The following SPATS2 variants were observed in gnomAD, a reference collection of about 807,000 sequenced individuals.
SPATS2 encodes the protein spermatogenesis-associated serine-rich protein 2.
A neutral mutation model predicts 63.7 loss-of-function variants in SPATS2; 38 were observed. That is an observed-to-expected ratio of 0.60 (90% CI 0.46 to 0.78). The LOEUF is 0.78. SPATS2 is among the 30% of genes least tolerant of loss of function. The pLI, the probability that SPATS2 is intolerant of heterozygous loss-of-function variation, is 0.00. For synonymous variants in SPATS2, 207 were observed against 232.9 expected (o/e 0.89, Z 1.01); for missense variants, 588 against 666.2 (o/e 0.88, Z 1.29).
chr12:49,376,346 G>T (rs556162332), intron 2 of SPATS2, among the ~76,000 whole-genome samples: 3 of 151,210 alleles, frequency 2.0e-5, no homozygotes, highest in African/African-American at 7.3e-5. Context: ...CAGGTGATCC[G>T]CCTGCCTCGG....
At chr12:49,439,923 G>A (rs1945386134) in intron 2 of SPATS2, among the ~76,000 whole-genome samples, 1 of 152,134 alleles carries the variant, frequency 6.6e-6, no homozygotes, top group Admixed American at 6.5e-5. Context: ...TGTTGTAGAA[G>A]TTTCATCAGG....
At chr12:49,508,832 G>A (rs1411339383) in intron 9 of SPATS2, among the ~76,000 whole-genome samples, 1 of 151,912 alleles carries the variant, frequency 6.6e-6, no homozygotes, top group Non-Finnish European at 1.5e-5. Context: ...GGGAGGCCAA[G>A]GCGGGTGGAT....
intron 3 of SPATS2, chr12:49,462,700 G>C: frequency 3.7e-6 from 2 of 547,352 alleles, no homozygotes; most frequent in Non-Finnish European, 6.5e-6. Context: ...CTGAAAAGGG[G>C]TTGGTGGGGT....
chr12:49,426,393 A>G (rs1469993402), intron 2 of SPATS2, among the ~76,000 whole-genome samples: 2 of 152,128 alleles, frequency 1.3e-5, no homozygotes, highest in Admixed American at 1.3e-4. Context: ...CAGTATTCTG[A>G]CTTATGTCAC....
chr12:49,434,778 A>G (rs766784922), intron 2 of SPATS2, among the ~76,000 whole-genome samples: 3 of 152,180 alleles, frequency 2.0e-5, no homozygotes, highest in Non-Finnish European at 4.4e-5. Flanking sequence ...TTTAAGCCCT[A>G]GCTCAGTGGG....
chr12:49,406,835 G>T (rs148649641), intron 2 of SPATS2, among the ~76,000 whole-genome samples: 1 of 152,002 alleles, frequency 6.6e-6, no homozygotes, highest in Non-Finnish European at 1.5e-5. Context: ...AAAGTGAGGC[G>T]TTCTTATTCT....
At chr12:49,493,094 G>A (rs1477655819) in intron 6 of SPATS2, among the ~76,000 whole-genome samples, 5 of 126,864 alleles carry the variant, frequency 3.9e-5, no homozygotes, top group African/African-American at 1.1e-4. Flanking sequence ...GCGAAACTCC[G>A]TCTTTAAAAA....
chr12:49,377,476 A>G (rs1944129335), intron 2 of SPATS2, among the ~76,000 whole-genome samples: 2 of 152,208 alleles, frequency 1.3e-5, no homozygotes, highest in Admixed American at 6.5e-5. Flanking sequence ...AAGTAGGATT[A>G]TATTCAATTT....
At chr12:49,486,285 C>T (rs1187753927) in intron 4 of SPATS2, 5 of 440,204 alleles carry the variant, frequency 1.1e-5, no homozygotes, top group South Asian at 3.2e-5. Flanking sequence ...GCTCACTGCA[C>T]ACCTCCGCCT....
intron 2 of SPATS2, chr12:49,390,233 C>T (rs1944396650): frequency 2.3e-6 from 2 of 883,252 alleles, no homozygotes; most frequent in South Asian, 3.3e-5. Context: ...AATGAATGAA[C>T]AGAAAATTCA....
intron 1 of SPATS2, among the ~76,000 whole-genome samples, chr12:49,368,422 C>T (rs11834366): frequency 3.3e-5 from 5 of 152,304 alleles, no homozygotes; most frequent in African/African-American, 1.2e-4. Flanking sequence ...TAAGTTAGGT[C>T]AGTGATAATG....
chr12:49,525,577 T>C (rs1309780041), intron 13 of SPATS2, among the ~76,000 whole-genome samples: 1 of 152,236 alleles, frequency 6.6e-6, no homozygotes, highest in Non-Finnish European at 1.5e-5. Flanking sequence ...TTATTCCAAA[T>C]GTGTATTATC....
Position 49,516,710 on chromosome 12 carries a change from T to TAA in SPATS2, c.898+2109_898+2110dup, listed in dbSNP as rs113290886. Among the ~76,000 whole-genome samples, 71 of 134,522 alleles carry TAA rather than the reference T, an allele frequency of 5.3e-4. 1 individual carries two copies. The Middle Eastern group carries it at 0.015, about 28-fold the overall frequency. The allele number at this position is 134,522 out of a possible 152,430, so 88.3% of individuals were successfully genotyped here. On this transcript the variant is annotated intron_variant, in intron 10 of 13. Transcript: ENST00000552918. Reference sequence around the variant, plus strand: ...ACAGAGCAAGACTCCATCTCAAAACTAAAAAAAAAAAAAGAAAAGAAAAGA... The same window carrying TAA: ...ACAGAGCAAGACTCCATCTCAAAACTAAAAAAAAAAAAAAAGAAAAGAAAAGA...
intron 3 of SPATS2, among the ~76,000 whole-genome samples, chr12:49,470,272 T>G (rs1468289649): frequency 6.6e-6 from 1 of 152,164 alleles, no homozygotes. Context: ...CCTCAGGAGA[T>G]CCTCCTGCCT....
At chr12:49,379,309 A>G (rs897473988) in intron 2 of SPATS2, among the ~76,000 whole-genome samples, 9 of 149,712 alleles carry the variant, frequency 6.0e-5, no homozygotes, top group Admixed American at 3.3e-4. Context: ...GCACTCTGGG[A>G]GGCTGAGGTG....
intron 3 of SPATS2, among the ~76,000 whole-genome samples, chr12:49,483,773 T>C (rs1946245338): frequency 6.6e-6 from 1 of 152,202 alleles, no homozygotes; most frequent in African/African-American, 2.4e-5. Flanking sequence ...GTAATATTGT[T>C]ATCACCTGGG....
intron 2 of SPATS2, among the ~76,000 whole-genome samples, chr12:49,372,150 A>G (rs565094221): frequency 6.6e-6 from 1 of 151,904 alleles, no homozygotes; most frequent in South Asian, 2.1e-4. Flanking sequence ...GGTTTAAGCG[A>G]TTTTCCTGCC....
At chr12:49,478,293 T>A (rs1364028450) in intron 3 of SPATS2, among the ~76,000 whole-genome samples, 1 of 152,320 alleles carries the variant, frequency 6.6e-6, no homozygotes, top group East Asian at 1.9e-4. Flanking sequence ...TCTTTAGTTG[T>A]GAAGTTCTGA....
At chr12:49,395,689 G>T (rs951584562) in intron 2 of SPATS2, among the ~76,000 whole-genome samples, 2 of 152,132 alleles carry the variant, frequency 1.3e-5, no homozygotes, top group African/African-American at 4.8e-5. Flanking sequence ...GCCTCCCAAA[G>T]TGCTGGGATT....
Sources: gnomAD v4.1 joint callset for allele counts (sites outside exome capture counted in the v4.1 genomes callset) on GRCh38, gnomAD v4.1.1 for gene constraint, MANE v1.5 for transcripts, NCBI Gene and HGNC (gene_info 2026-07-23, HGNC 2026-07-21) for gene names.